NACC2: variants seen among roughly 807,000 people sequenced by gnomAD.
NACC2 encodes NACC family member 2.
A neutral mutation model predicts 25.1 loss-of-function variants in NACC2; 8 were observed. That is an observed-to-expected ratio of 0.32 (90% CI 0.19 to 0.57). NACC2 has a LOEUF of 0.57. NACC2 is among the 20% of genes least tolerant of loss of function. The probability of loss-of-function intolerance (pLI) is 0.89; values close to 1 mark genes in which losing one functional copy is unlikely to be tolerated. For missense variants in NACC2, 644 were observed against 650.2 expected (o/e 0.99, Z 0.10); for synonymous variants, 435 against 294.7 (o/e 1.48, Z -4.88).
chr9:136,075,568 C>T (rs1391892921), intron 1 of NACC2, among the ~76,000 whole-genome samples: 1 of 152,258 alleles, frequency 6.6e-6, no homozygotes, highest in Admixed American at 6.5e-5. Context: ...GAGGACGCAT[C>T]TTCTTTTATC....
intron 1 of NACC2, among the ~76,000 whole-genome samples, chr9:136,091,720 C>A (rs1212813719): frequency 6.6e-6 from 1 of 152,100 alleles, no homozygotes; most frequent in African/African-American, 2.4e-5. Flanking sequence ...GGGCTCCCAG[C>A]AAATGGGCAG....
Position 136,056,657 on chromosome 9 carries a change from G to T in NACC2, c.-59-6077C>A, listed in dbSNP as rs148681918. ...CAGCTTCAGGGTCACAGAGGTACGG[G>T]GGGTCTCTGGGATGACGGGCCCCCT... On this transcript the variant is annotated intron_variant, in intron 1 of 5. Transcript: ENST00000277554. 2.1e-3 allele frequency among the ~76,000 whole-genome samples: 325 copies of T among 152,368 alleles called. 5 individuals carry two copies. Among genetic ancestry groups the T allele is most frequent in the Non-Finnish European group, 4.0e-3 (272 of 68,038 alleles).
At position 136,006,622 on chromosome 9, in the gene NACC2, T is replaced by C. The variant is rs1178686720; in HGVS notation, c.*4894A>G. On this transcript the variant is annotated 3_prime_UTR_variant, in exon 6 of 6. Coordinates refer to ENST00000277554, the MANE Select transcript of NACC2 (RefSeq NM_144653.5). The stretch of plus-strand genomic sequence containing the variant: ...AATGATCACATCCTTTTGTTTGTCA[T>C]GGATTTCCACTGTCTGAAACGGCTC... 1 of 152,260 alleles carries C rather than the reference T, an allele frequency of 6.6e-6. No individual in the cohort carries two copies. Among genetic ancestry groups the C allele is most frequent in the Non-Finnish European group, 1.5e-5 (1 of 68,052 alleles). The allele number at this position is 152,260 out of a possible 1,614,324, so 9.4% of individuals were successfully genotyped here. A position where few individuals can be genotyped will look rare whatever the true frequency, so the allele number is the denominator to read the frequency against.
intron 3 of NACC2, among the ~76,000 whole-genome samples, chr9:136,014,274 G>A (rs1360484395): frequency 6.6e-6 from 1 of 151,638 alleles, no homozygotes; most frequent in Non-Finnish European, 1.5e-5. Flanking sequence ...GCCATGCTGC[G>A]GTCCCCGGCC....
intron 2 of NACC2, among the ~76,000 whole-genome samples, chr9:136,025,614 T>C (rs28488209): frequency 0.027 from 3,756 of 139,176 alleles, 176 homozygotes; most frequent in African/African-American, 0.094. Context: ...TAAGTCCTAT[T>C]AAAAAAAAAA....
rs1049258442 is a variant in NACC2, at chr9:136,086,743, C to T, written c.-60+8446G>A. Among the ~76,000 whole-genome samples, 6 of 152,222 alleles carry T rather than the reference C, an allele frequency of 3.9e-5. No homozygotes were observed. Among genetic ancestry groups the T allele is most frequent in the African/African-American group, 7.2e-5 (3 of 41,462 alleles). ...GGCCCCGTTTCCCTCCCACGACCCC[C>T]GCTCAGCTTGGGCCTGGAGCTGGCC... On this transcript the variant is annotated intron_variant, in intron 1 of 5. Transcript: ENST00000277554. The surrounding 1 kb of genome is among the most constrained non-coding windows in gnomAD (Gnocchi z 5.6).
At chr9:136,090,179 T>C (rs1462238117) in intron 1 of NACC2, among the ~76,000 whole-genome samples, 1 of 152,062 alleles carries the variant, frequency 6.6e-6, no homozygotes, top group Non-Finnish European at 1.5e-5. Context: ...AGCTGGGTGG[T>C]AGAAGGGAGA....
Position 136,071,909 on chromosome 9 carries a change from G to A in NACC2, c.-59-21329C>T, listed in dbSNP as rs549502768. Among the ~76,000 whole-genome samples the A allele has an allele frequency of 2.8e-4, 42 of 152,200 alleles. 1 individual carries two copies. The highest frequency in any genetic ancestry group is 2.4e-3 in the Admixed American group (37 of 15,264). On this transcript the variant is annotated intron_variant, in intron 1 of 5. Transcript: ENST00000277554. ...GGCAACTGAACGTCCAGACGCAAAT[G>A]TGCTGAACTCCACCCAAGCCTCACA...
intron 1 of NACC2, among the ~76,000 whole-genome samples, chr9:136,052,685 C>T (rs1478138746): frequency 1.3e-5 from 2 of 152,176 alleles, no homozygotes; most frequent in African/African-American, 4.8e-5. Context: ...ACTTTGTGGC[C>T]GGGCAACCAG....
At chr9:136,056,492 G>T (rs1840926659) in intron 1 of NACC2, among the ~76,000 whole-genome samples, 2 of 152,210 alleles carry the variant, frequency 1.3e-5, no homozygotes, top group South Asian at 4.1e-4. Flanking sequence ...GTGGTCTCTG[G>T]TCATCAAGTC....
At chr9:136,031,222 T>G (rs79654328) in intron 2 of NACC2, among the ~76,000 whole-genome samples, 1,843 of 152,360 alleles carry the variant, frequency 0.012, 40 homozygotes, top group African/African-American at 0.036. Context: ...CTCAATTCAT[T>G]TAATGAGGCC....
intron 1 of NACC2, among the ~76,000 whole-genome samples, chr9:136,066,375 CA>C (rs1018096759): frequency 9.9e-5 from 15 of 152,062 alleles, no homozygotes; most frequent in African/African-American, 3.6e-4. Context: ...ATACTATACA[CA>C]AATGTCCAAT....
Position 136,041,095 on chromosome 9 carries a change from A to AAAGGAAAGAAGG in NACC2, c.886+8540_886+8541insCCTTCTTTCCTT, listed in dbSNP as rs1554738674. On this transcript the variant is annotated intron_variant, in intron 2 of 5. Transcript: ENST00000277554. ...AGGAAGGAAAGGAAGGAAGCAAAGG[A>AAAGGAAAGAAGG]AAGGAAAGGAAGGAAGGAAAGGAAG... is the stretch of plus-strand genomic sequence containing the variant. 2.1e-5 allele frequency among the ~76,000 whole-genome samples: 3 copies of AAAGGAAAGAAGG among 146,340 alleles called. No individual in the cohort carries two copies. In the South Asian group the frequency reaches 6.5e-4, roughly 32 times the overall value.
In NACC2 at chr9:136,011,314, C is replaced by A; in HGVS notation, c.*202G>T. The A allele has an allele frequency of 2.0e-6, 1 of 509,400 alleles. No homozygotes were observed. The highest frequency in any genetic ancestry group is 3.9e-5 in the East Asian group (1 of 25,512). The allele number at this position is 509,400 out of a possible 1,614,324, so 31.6% of individuals were successfully genotyped here. Reference sequence around the variant, plus strand: ...GCCCTGGGAACTTCCTCGCAGGAGGCTGCCAGTGGCCTAATTGTTTACAGT... The same window carrying A: ...GCCCTGGGAACTTCCTCGCAGGAGGATGCCAGTGGCCTAATTGTTTACAGT... On this transcript the variant is annotated 3_prime_UTR_variant, in exon 6 of 6. Coordinates refer to ENST00000277554, the MANE Select transcript of NACC2 (RefSeq NM_144653.5).
chr9:136,082,842 G>C (rs966662855), intron 1 of NACC2, among the ~76,000 whole-genome samples: 2 of 152,214 alleles, frequency 1.3e-5, no homozygotes, highest in African/African-American at 4.8e-5. Context: ...TCCCCAGAAG[G>C]AAAGACAGAC....
At position 136,010,513 on chromosome 9, in the gene NACC2, G is replaced by A. The variant is rs1368272320; in HGVS notation, c.*1003C>T. On this transcript the variant is annotated 3_prime_UTR_variant, in exon 6 of 6. Transcript: ENST00000277554. This position sits in a 1 kb window ranked among gnomAD's most constrained non-coding sequence, Gnocchi z 4.9. ...CCTGGCCCTGGGCGGGGGAGCAGGGGGACGCACCCTAACGGCCACAGATGA... is the reference window on the plus strand; with the variant it reads ...CCTGGCCCTGGGCGGGGGAGCAGGGAGACGCACCCTAACGGCCACAGATGA... 1 of 152,248 alleles carries A rather than the reference G, an allele frequency of 6.6e-6. No homozygotes were observed. The highest frequency in any genetic ancestry group is 2.1e-4 in the South Asian group (1 of 4,840). 9.4% of individuals were successfully genotyped at this position (152,248 alleles called of 1,614,324 possible). A position where few individuals can be genotyped will look rare whatever the true frequency, so the allele number is the denominator to read the frequency against.
intron 1 of NACC2, among the ~76,000 whole-genome samples, chr9:136,053,663 C>CT (rs1450676168): frequency 3.3e-5 from 5 of 152,238 alleles, no homozygotes; most frequent in African/African-American, 1.2e-4. Context: ...GCAGAGGCCC[C>CT]TAGACAGCTC....
chr9:136,013,385 G>A lies in NACC2; in HGVS notation c.1158-89C>T, dbSNP rs1321056240. The A allele has an allele frequency of 1.7e-6, 2 of 1,198,134 alleles. No individual in the cohort carries two copies. The highest frequency in any genetic ancestry group is 1.3e-5 in the South Asian group (1 of 74,466). The allele number at this position is 1,198,134 out of a possible 1,614,324, so 74.2% of individuals were successfully genotyped here. On this transcript the variant is annotated intron_variant, in intron 4 of 5. Transcript: ENST00000277554. The surrounding 1 kb of genome is among the most constrained non-coding windows in gnomAD (Gnocchi z 6.6). ...CGCCCGCACGAATGCCCTGCTGGGA[G>A]GCCACTTGGCCTCACCCTTGGCTGG...
At position 136,084,573 on chromosome 9, in the gene NACC2, G is replaced by A. The variant is rs1830357709; in HGVS notation, c.-60+10616C>T. Among the ~76,000 whole-genome samples, 1 of 152,204 alleles carries A rather than the reference G, an allele frequency of 6.6e-6. No homozygotes were observed. The highest frequency in any genetic ancestry group is 1.5e-5 in the Non-Finnish European group (1 of 68,034). On this transcript the variant is annotated intron_variant, in intron 1 of 5. Coordinates refer to ENST00000277554, the MANE Select transcript of NACC2 (RefSeq NM_144653.5). The surrounding 1 kb of genome is among the most constrained non-coding windows in gnomAD (Gnocchi z 5.1). Reference sequence around the variant, plus strand: ...GTCAGGGTCACGAAGGCCATGGAAAGGCCACAGAATACACCAGGCTGGAAG... The same window carrying A: ...GTCAGGGTCACGAAGGCCATGGAAAAGCCACAGAATACACCAGGCTGGAAG...
Sources: gnomAD v4.1 joint callset for allele counts (sites outside exome capture counted in the v4.1 genomes callset) on GRCh38, gnomAD v4.1.1 for gene constraint, Gnocchi (gnomAD v3.1) non-coding constraint, MANE v1.5 for transcripts, NCBI Gene and HGNC (gene_info 2026-07-23, HGNC 2026-07-21) for gene names.